GFOD1: variants seen among roughly 807,000 people sequenced by gnomAD.
GFOD1 encodes the protein glucose-fructose oxidoreductase domain-containing protein 1.
Under a neutral mutation model 25.4 loss-of-function variants are expected in GFOD1, and 9 were observed. The observed-to-expected ratio is 0.35, with a 90% CI of 0.21 to 0.62. GFOD1 has a LOEUF of 0.62. Among genes scored for constraint, GFOD1 ranks in the 20% least tolerant of loss-of-function variants. The pLI, the probability that GFOD1 is intolerant of heterozygous loss-of-function variation, is 0.72. For synonymous variants in GFOD1, 253 were observed against 245.6 expected, an observed-to-expected ratio of 1.03 and a Z score of -0.28; for missense variants, 403 against 556.9, an observed-to-expected ratio of 0.72 and a Z score of 2.78.
intron 1 of GFOD1, among the ~76,000 whole-genome samples, chr6:13,444,200 A>C (rs1397530822): frequency 6.6e-6 from 1 of 152,220 alleles, no homozygotes. Context: ...GAGATCATGT[A>C]TTTTGCGGGA....
chr6:13,465,561 T>TA (rs1205045488), intron 1 of GFOD1, among the ~76,000 whole-genome samples: 1 of 152,184 alleles, frequency 6.6e-6, no homozygotes, highest in African/African-American at 2.4e-5. Flanking sequence ...TGAGGAGCTT[T>TA]AAAAAACATG....
In GFOD1 at chr6:13,365,488, G is replaced by A. The variant is rs762339599; in HGVS notation, c.428C>T (p.Pro143Leu). The A allele has an allele frequency of 3.7e-6, 6 of 1,613,336 alleles. No individual in the cohort carries two copies. The South Asian group carries it at 4.4e-5, about 12-fold the overall frequency. Reference sequence around the variant, plus strand: ...GTGCACCTGCACCTCACACACCAGCGGCTCGCCCACGTAGCCCTCCTCGAT... The same window carrying A: ...GTGCACCTGCACCTCACACACCAGCAGCTCGCCCACGTAGCCCTCCTCGAT... ...QLIEEGYVGE[P>L]LVCEVQVHGG... Residue 143 changes from proline to leucine, a missense_variant, in exon 2 of 2, where the codon CCG becomes CTG. Pro to Leu is a moderately conservative substitution (Grantham distance 98, BLOSUM62 -3). Transcript: ENST00000379287. This position sits in a 1 kb window ranked among gnomAD's most constrained non-coding sequence, Gnocchi z 9.2.
At position 13,359,403 on chromosome 6, in the gene GFOD1, T is replaced by A. The variant is rs1784914289; in HGVS notation, c.*5340A>T. The A allele has an allele frequency of 6.6e-6, 1 of 151,908 alleles. No homozygotes were observed. The highest frequency in any genetic ancestry group is 1.5e-5 in the Non-Finnish European group (1 of 68,008). 9.4% of individuals were successfully genotyped at this position (151,908 alleles called of 1,614,324 possible). A position where few individuals can be genotyped will look rare whatever the true frequency, so the allele number is the denominator to read the frequency against. On this transcript the variant is annotated 3_prime_UTR_variant, in exon 2 of 2. Coordinates refer to ENST00000379287, the MANE Select transcript of GFOD1 (RefSeq NM_018988.4). The stretch of plus-strand genomic sequence containing the variant: ...CTCTGATGGCCAAAAACGTAGGCGG[T>A]GGTGGAGCAGTAGGCGGTGTCAAGG...
chr6:13,386,432 C>T (rs1385949234), intron 1 of GFOD1, among the ~76,000 whole-genome samples: 1 of 152,204 alleles, frequency 6.6e-6, no homozygotes, highest in Non-Finnish European at 1.5e-5. Flanking sequence ...TCGCGTACTT[C>T]GGAGGACATG....
intron 1 of GFOD1, among the ~76,000 whole-genome samples, chr6:13,456,406 T>C (rs1482910444): frequency 6.6e-6 from 1 of 151,898 alleles, no homozygotes; most frequent in Non-Finnish European, 1.5e-5. Context: ...AACTCCTGAG[T>C]TCAAGTGATC....
chr6:13,400,222 G>T (rs546899817), intron 1 of GFOD1, among the ~76,000 whole-genome samples: 1 of 152,172 alleles, frequency 6.6e-6, no homozygotes. Context: ...AGTCACATTG[G>T]GGGTGGGATA....
rs1784969662 is a variant in GFOD1 at position 13,362,940 on chromosome 6, T to C, written c.*1803A>G. ...ATTCCCTTCTAGTTCCAATGGCAGC[T>C]ATCTGAAAAGAACTCTAAACCTCAG... is the stretch of plus-strand genomic sequence containing the variant. On this transcript the variant is annotated 3_prime_UTR_variant, in exon 2 of 2. Coordinates refer to ENST00000379287, the MANE Select transcript of GFOD1 (RefSeq NM_018988.4). 6.6e-6 allele frequency: 1 copy of C among 152,246 alleles called. No individual in the cohort carries two copies. Among genetic ancestry groups the C allele is most frequent in the Non-Finnish European group, 1.5e-5 (1 of 68,048 alleles). The allele number at this position is 152,246 out of a possible 1,614,324, so 9.4% of individuals were successfully genotyped here. A position where few individuals can be genotyped will look rare whatever the true frequency, so the allele number is the denominator to read the frequency against.
In GFOD1 at chr6:13,486,125, G is replaced by A. The variant is rs562084064; in HGVS notation, c.253+513C>T. Reference sequence around the variant, plus strand: ...AGCAGGGCGCCACCGCTGCTGAAGGGCAGGTCCTCTATCGCACCCAAGAAA... The same window carrying A: ...AGCAGGGCGCCACCGCTGCTGAAGGACAGGTCCTCTATCGCACCCAAGAAA... On this transcript the variant is annotated intron_variant, in intron 1 of 1. Transcript: ENST00000379287. 5.4e-5 allele frequency: 53 copies of A among 987,320 alleles called. No individual in the cohort carries two copies. The African/African-American group carries it at 7.7e-4, about 14-fold the overall frequency. 61.2% of individuals were successfully genotyped at this position (987,320 alleles called of 1,614,324 possible). A position where few individuals can be genotyped will look rare whatever the true frequency, so the allele number is the denominator to read the frequency against.
intron 1 of GFOD1, among the ~76,000 whole-genome samples, chr6:13,421,780 G>C (rs1335098662): frequency 2.0e-5 from 3 of 152,212 alleles, no homozygotes; most frequent in Non-Finnish European, 4.4e-5. Flanking sequence ...AGAAGGGACT[G>C]TTGAGAAGAT....
At chr6:13,380,838 G>C (rs1017807405) in intron 1 of GFOD1, among the ~76,000 whole-genome samples, 3 of 152,186 alleles carry the variant, frequency 2.0e-5, no homozygotes, top group Non-Finnish European at 4.4e-5. Context: ...TATCAACAGA[G>C]CTCAGAAACC....
In GFOD1 at chr6:13,470,741, T is replaced by C. The variant is rs1229741935; in HGVS notation, c.253+15897A>G. 1.2e-5 allele frequency: 16 copies of C among 1,387,264 alleles called. No homozygotes were observed. The East Asian group carries it at 3.9e-4, about 34-fold the overall frequency. 85.9% of individuals were successfully genotyped at this position (1,387,264 alleles called of 1,614,324 possible). On this transcript the variant is annotated intron_variant, in intron 1 of 1. Transcript: ENST00000379287. ...ATAAGAAGAGCCTGCCAGGGACACA[T>C]TTAAATAACAAGTACTCTAAAATCA...
At chr6:13,384,209 G>A (rs573576257) in intron 1 of GFOD1, among the ~76,000 whole-genome samples, 1 of 152,218 alleles carries the variant, frequency 6.6e-6, no homozygotes, top group Non-Finnish European at 1.5e-5. Flanking sequence ...CTGGGTGACA[G>A]AGTGAGACTC....
At chr6:13,409,627 G>A (rs1205107739) in intron 1 of GFOD1, among the ~76,000 whole-genome samples, 1 of 152,108 alleles carries the variant, frequency 6.6e-6, no homozygotes, top group Non-Finnish European at 1.5e-5. Flanking sequence ...AGATAAGAAA[G>A]AAACTGAATT....
chr6:13,451,274 G>A (rs1562223145), intron 1 of GFOD1, among the ~76,000 whole-genome samples: 2 of 152,172 alleles, frequency 1.3e-5, no homozygotes, highest in Admixed American at 1.3e-4. Context: ...AACATGGGAA[G>A]GGCTTTGACA....
intron 1 of GFOD1, among the ~76,000 whole-genome samples, chr6:13,474,375 G>A (rs575214486): frequency 8.0e-4 from 122 of 152,148 alleles, no homozygotes; most frequent in African/African-American, 2.7e-3. Flanking sequence ...GCAAAACTCC[G>A]TCTTGGGAAA....
intron 1 of GFOD1, among the ~76,000 whole-genome samples, chr6:13,396,994 T>C (rs1785745388): frequency 6.6e-6 from 1 of 152,150 alleles, no homozygotes; most frequent in Non-Finnish European, 1.5e-5. Flanking sequence ...AGGAGGAAGG[T>C]AGGGCTTCCT....
chr6:13,385,290 G>T (rs143305635), intron 1 of GFOD1, among the ~76,000 whole-genome samples: 4 of 152,296 alleles, frequency 2.6e-5, no homozygotes, highest in Admixed American at 6.5e-5. Context: ...TTCCACCCAG[G>T]TACCTGCCCC....
intron 1 of GFOD1, among the ~76,000 whole-genome samples, chr6:13,368,987 T>A (rs1785098933): frequency 6.6e-6 from 1 of 152,256 alleles, no homozygotes; most frequent in South Asian, 2.1e-4. Context: ...AATTGTGGTT[T>A]TACCACTGAA....
chr6:13,476,795 C>CT lies in GFOD1; in HGVS notation c.253+9842dup, dbSNP rs1758632599. 2.0e-5 allele frequency among the ~76,000 whole-genome samples: 3 copies of CT among 152,140 alleles called. No homozygotes were observed. In the South Asian group the frequency reaches 6.2e-4, roughly 32 times the overall value. ...TTAATGTAAAGTTATTTTTCCTGCA[C>CT]TTTTTAATTCTCCACAGTAGGATAT... On this transcript the variant is annotated intron_variant, in intron 1 of 1. Transcript: ENST00000379287.
Sources: allele counts gnomAD v4.1 joint callset (sites outside exome capture counted in the v4.1 genomes callset), GRCh38; gene constraint gnomAD v4.1.1; non-coding constraint Gnocchi (gnomAD v3.1); transcripts MANE v1.5; gene names NCBI Gene and HGNC (gene_info 2026-07-23, HGNC 2026-07-21).